PI4KA: variants seen among roughly 807,000 people sequenced by gnomAD.
The protein encoded by PI4KA is phosphatidylinositol 4-kinase alpha, also known as PI4-kinase alpha.
Under a neutral mutation model 271.4 loss-of-function variants are expected in PI4KA, and 122 were observed. The ratio of observed to expected loss-of-function variants is 0.45; its 90% CI spans 0.39 to 0.52. The LOEUF is 0.52. Ranked by LOEUF, PI4KA falls within the 20% of genes least tolerant of loss-of-function variation. The probability of loss-of-function intolerance (pLI) is 0.00; values close to 1 mark genes in which losing one functional copy is unlikely to be tolerated. For missense variants in PI4KA, 1,969 were observed against 2,769.1 expected (o/e 0.71, Z 6.48); for synonymous variants, 1,041 against 1,078.8 (o/e 0.96, Z 0.69).
intron 10 of PI4KA, among the ~76,000 whole-genome samples, chr22:20,806,127 T>C (rs2147624256): frequency 6.6e-6 from 1 of 152,256 alleles, no homozygotes; most frequent in East Asian, 1.9e-4. Flanking sequence ...TGACTCAGCT[T>C]CTGAGGAATG....
At chr22:20,834,706 T>A (rs979816601) in intron 2 of PI4KA, 51 bp from the exon 3 acceptor site, 1 of 1,221,510 alleles carries the variant, frequency 8.2e-7, no homozygotes. Flanking sequence ...AATAAGTGAT[T>A]GGCAGCTTTT....
intron 14 of PI4KA, 57 bp from the exon 15 acceptor site, chr22:20,799,823 GTTT>G (rs1287793188): frequency 8.5e-7 from 1 of 1,175,948 alleles, no homozygotes. Context: ...TAGGTTTTTT[GTTT>G]TTTAATTTTT....
At chr22:20,733,523 C>T (rs1036223346) in intron 35 of PI4KA, among the ~76,000 whole-genome samples, 27 of 149,702 alleles carry the variant, frequency 1.8e-4, no homozygotes, top group African/African-American at 6.2e-4. Context: ...GCCTACATCT[C>T]GCTGGGAGGC....
intron 4 of PI4KA, among the ~76,000 whole-genome samples, chr22:20,821,541 A>AT (rs1372358886): frequency 2.7e-5 from 4 of 150,268 alleles, no homozygotes; most frequent in Non-Finnish European, 4.4e-5. Context: ...AAGTTAAGAA[A>AT]TTTTTTTTTG....
At chr22:20,709,112 G>A (rs1332708407) in intron 54 of PI4KA, among the ~76,000 whole-genome samples, 184 bp downstream of exon 54, 112 of 151,656 alleles carry the variant, frequency 7.4e-4, no homozygotes, top group African/African-American at 2.5e-3. Context: ...TGTTCCCCTC[G>A]GCACACCACA....
intron 14 of PI4KA, 130 bp downstream of exon 14, chr22:20,801,843 G>A: frequency 2.1e-6 from 2 of 964,644 alleles, no homozygotes; most frequent in Admixed American, 4.5e-5. Flanking sequence ...CCGAGATTGT[G>A]CCACTGCATT....
At chr22:20,732,552 C>T (rs1056333605) in intron 36 of PI4KA, among the ~76,000 whole-genome samples, 7 of 152,226 alleles carry the variant, frequency 4.6e-5, no homozygotes, top group Non-Finnish European at 8.8e-5. Flanking sequence ...AGTGCCTGTC[C>T]CCGAGGAGTG....
chr22:20,754,365 G>T (rs1012442959), intron 23 of PI4KA, among the ~76,000 whole-genome samples: 2 of 152,176 alleles, frequency 1.3e-5, no homozygotes, highest in Non-Finnish European at 2.9e-5. Context: ...TAGGATTACA[G>T]GCGTGAGCCA....
intron 19 of PI4KA, chr22:20,784,004 A>G (rs745812524): frequency 3.7e-6 from 6 of 1,614,046 alleles, no homozygotes; most frequent in Admixed American, 1.7e-5. Flanking sequence ...AGTGGAAATG[A>G]CACACAACCA....
intron 39 of PI4KA, 133 bp downstream of exon 39, chr22:20,729,180 G>T: frequency 1.4e-6 from 1 of 728,770 alleles, no homozygotes; most frequent in Non-Finnish European, 2.2e-6. Context: ...TGGGGCTCGA[G>T]GACTAGACTA....
chr22:20,813,283 TAAAAA>T, intron 8 of PI4KA, 70 bp downstream of exon 8: 1 of 1,191,016 alleles, frequency 8.4e-7, no homozygotes, highest in African/African-American at 1.5e-5. Context: ...GTTTTTCTTT[TAAAAA>T]TACAAGTTTC....
intron 19 of PI4KA, among the ~76,000 whole-genome samples, chr22:20,771,546 TAGAC>T (rs1489817207): frequency 6.6e-6 from 1 of 151,436 alleles, no homozygotes; most frequent in African/African-American, 2.4e-5. Flanking sequence ...GAAATCCAAA[TAGAC>T]AGGAAATATG....
intron 19 of PI4KA, among the ~76,000 whole-genome samples, chr22:20,778,904 CCT>C (rs1040940709): frequency 7.7e-4 from 117 of 152,334 alleles, no homozygotes; most frequent in African/African-American, 2.7e-3. Flanking sequence ...CCATCTGTCC[CCT>C]GACTGGTCCA....
intron 30 of PI4KA, 139 bp downstream of exon 30, chr22:20,744,489 G>A: frequency 1.7e-6 from 1 of 599,894 alleles, no homozygotes; most frequent in Middle Eastern, 4.5e-4. Flanking sequence ...CTCCTAAAAT[G>A]TGCTCTTTAA....
At chr22:20,819,304 GTTTT>G (rs140229484) in intron 6 of PI4KA, among the ~76,000 whole-genome samples, 2 of 144,804 alleles carry the variant, frequency 1.4e-5, no homozygotes, top group African/African-American at 5.1e-5. Context: ...TAAAGGAGTG[GTTTT>G]TTTTTTTTTA....
At chr22:20,737,116 G>C (rs1490838243) in intron 32 of PI4KA, among the ~76,000 whole-genome samples, 1 of 152,232 alleles carries the variant, frequency 6.6e-6, no homozygotes, top group Non-Finnish European at 1.5e-5. Context: ...CCTGGACTAG[G>C]AGTGACTGGG....
chr22:20,839,550 G>A (rs1455807472), intron 1 of PI4KA, among the ~76,000 whole-genome samples: 9 of 152,176 alleles, frequency 5.9e-5, no homozygotes, highest in African/African-American at 2.2e-4. Context: ...TCAAATGCAT[G>A]GCCAGGAGCG....
In PI4KA at chr22:20,717,721, C is replaced by T. The variant is rs146081440; in HGVS notation, c.5304G>A (p.Val1768=). 74 of 1,581,766 alleles carry T rather than the reference C, an allele frequency of 4.7e-5. No individual in the cohort carries two copies. The African/African-American group carries it at 9.1e-4, about 20-fold the overall frequency. Residue 1768 remains valine (V), a synonymous_variant, in exon 45 of 55, where the codon GTG becomes GTA. Coordinates refer to ENST00000255882, the MANE Select transcript of PI4KA (RefSeq NM_058004.4). ...KKACLSALSE[V]KVQPGCYLPS... ...CCACCTGCTCACCCGGCTGCACCTT[C>T]ACTTCAGACAGGGCCGACAGACAAG...
At chr22:20,745,474 G>C (rs1200738507) in intron 29 of PI4KA, among the ~76,000 whole-genome samples, 3 of 152,114 alleles carry the variant, frequency 2.0e-5, no homozygotes, top group East Asian at 3.8e-4. Flanking sequence ...TGAGTTTAGA[G>C]GGATTTTTTT....
Sources: allele counts gnomAD v4.1 joint callset (sites outside exome capture counted in the v4.1 genomes callset), GRCh38; gene constraint gnomAD v4.1.1; transcripts MANE v1.5; gene names NCBI Gene and HGNC (gene_info 2026-07-23, HGNC 2026-07-21).